ACP7: variants seen among roughly 807,000 people sequenced by gnomAD.
ACP7 encodes the protein acid phosphatase 7, tartrate resistant (putative).
ACP7 carries 58 observed loss-of-function variants against 60.6 expected under a neutral mutation model. The observed-to-expected ratio is 0.96, with a 90% CI of 0.77 to 1.19. ACP7 has a LOEUF of 1.19. Among genes scored for constraint, ACP7 ranks in the 50% most tolerant of loss-of-function variants. The pLI is 0.00. For synonymous variants in ACP7, 237 were observed against 232.6 expected, an observed-to-expected ratio of 1.02 and a Z score of -0.17; for missense variants, 574 against 596.2, an observed-to-expected ratio of 0.96 and a Z score of 0.39.
chr19:39,103,441 G>GTGTTTTTTTTTT lies in ACP7; in HGVS notation c.1113+1905_1113+1906insGTTTTTTTTTTT, dbSNP rs1230916229. Among the ~76,000 whole-genome samples, 37 of 64,728 alleles carry GTGTTTTTTTTTT rather than the reference G, an allele frequency of 5.7e-4. 1 individual carries two copies. The highest frequency in any genetic ancestry group is 8.1e-4 in the Non-Finnish European group (30 of 37,234). 42.5% of individuals were successfully genotyped at this position (64,728 alleles called of 152,430 possible). On this transcript the variant is annotated intron_variant, in intron 11 of 12. Coordinates refer to ENST00000331256, the MANE Select transcript of ACP7 (RefSeq NM_001004318.3). Reference sequence around the variant, plus strand: ...TCAAAACATTCCAGGATCATCATGTGTTTTTTTTTTTTTTTTTTTTTTTTT... The same window carrying GTGTTTTTTTTTT: ...TCAAAACATTCCAGGATCATCATGTGTGTTTTTTTTTTTTTTTTTTTTTTTTTTTTTTTTTTT...
At chr19:39,085,676 C>T (rs531165655) in intron 2 of ACP7, among the ~76,000 whole-genome samples, 6 of 152,300 alleles carry the variant, frequency 3.9e-5, no homozygotes, top group South Asian at 2.1e-4. Flanking sequence ...GGACCTGGCA[C>T]GTTTGTTCGT....
chr19:39,107,434 A>ATG (rs2073422909), intron 12 of ACP7, among the ~76,000 whole-genome samples: 1 of 151,802 alleles, frequency 6.6e-6, no homozygotes, highest in African/African-American at 2.4e-5. Flanking sequence ...TACAAAAAAA[A>ATG]TTAGCCAGGC....
chr19:39,108,955 G>T (rs1049551916), intron 12 of ACP7, among the ~76,000 whole-genome samples: 3 of 151,984 alleles, frequency 2.0e-5, no homozygotes, highest in Non-Finnish European at 4.4e-5. Context: ...CGAGTAGCTG[G>T]GATTACAGGC....
At position 39,085,206 on chromosome 19, in the gene ACP7, T is replaced by C; in HGVS notation, c.-64T>C. The C allele has an allele frequency of 6.5e-7, 1 of 1,548,582 alleles. No individual in the cohort carries two copies. Among genetic ancestry groups the C allele is most frequent in the East Asian group, 2.3e-5 (1 of 42,786 alleles). On this transcript the variant is annotated 5_prime_UTR_variant, in exon 2 of 13. Transcript: ENST00000331256. ...TCCTCCCAGCCCTTCCTGCTGTACC[T>C]GTGGGGAGCTGATCTCCTCAGTCCC...
intron 12 of ACP7, among the ~76,000 whole-genome samples, chr19:39,107,993 G>A (rs1009569897): frequency 3.3e-4 from 50 of 152,168 alleles, no homozygotes; most frequent in African/African-American, 1.2e-3. Context: ...AGAGTTTGCA[G>A]TGAGCTATGA....
chr19:39,103,441 G>GTGTTTTTTTTTTTTTTTT (rs1230916229), intron 11 of ACP7, among the ~76,000 whole-genome samples: 2 of 64,716 alleles, frequency 3.1e-5, no homozygotes, highest in Non-Finnish European at 5.4e-5. Context: ...ATCATCATGT[G>GTGTTTTTTTTTTTTTTTT]TTTTTTTTTT....
At chr19:39,109,840 T>A (rs906131169) in intron 12 of ACP7, among the ~76,000 whole-genome samples, 1 of 152,142 alleles carries the variant, frequency 6.6e-6, no homozygotes, top group Non-Finnish European at 1.5e-5. Context: ...ACAAATACTA[T>A]CTCATTTAAC....
intron 11 of ACP7, among the ~76,000 whole-genome samples, chr19:39,102,120 T>TCA (rs561424510): frequency 0.1 from 14,706 of 145,190 alleles, 798 homozygotes; most frequent in African/African-American, 0.13. Context: ...ACCCTTTCTC[T>TCA]CACACACACA....
At chr19:39,101,083 G>A (rs774804545) in intron 8 of ACP7, 27 bp downstream of exon 8, 20 of 1,613,736 alleles carry the variant, frequency 1.2e-5, no homozygotes, top group Non-Finnish European at 1.7e-5. Flanking sequence ...GGAGACAGTG[G>A]GGACATGCTG....
intron 3 of ACP7, 151 bp downstream of exon 3, chr19:39,098,809 G>C: frequency 7.4e-7 from 1 of 1,356,724 alleles, no homozygotes; most frequent in Non-Finnish European, 9.9e-7. Flanking sequence ...GGATGAAAAC[G>C]GAAGGTGCCG....
intron 12 of ACP7, among the ~76,000 whole-genome samples, chr19:39,109,345 G>T (rs2073443867): frequency 6.6e-6 from 1 of 152,068 alleles, no homozygotes. Flanking sequence ...ATGACTCTGG[G>T]CATCTATTAC....
In ACP7 at chr19:39,099,024, G is replaced by A; in HGVS notation, c.387G>A (p.Gly129=). 1.2e-6 allele frequency: 2 copies of A among 1,613,688 alleles called. No individual in the cohort carries two copies. Among genetic ancestry groups the A allele is most frequent in the Non-Finnish European group, 1.7e-6 (2 of 1,179,906 alleles). Residue 129 remains glycine, a synonymous_variant, in exon 4 of 13, where the codon GGG becomes GGA. Transcript: ENST00000331256. Reference sequence around the variant, plus strand: ...TCCGCTTCAGGGCCCTCAAGAATGGGGCCCACTGGAGTCCCCGTCTGGCTG... The same window carrying A: ...TCCGCTTCAGGGCCCTCAAGAATGGAGCCCACTGGAGTCCCCGTCTGGCTG... ...RRFRFRALKN[G]AHWSPRLAVF... is the part of the protein sequence containing the mutation.
intron 11 of ACP7, 45 bp from the exon 12 acceptor site, chr19:39,106,902 G>C: frequency 6.2e-7 from 1 of 1,606,528 alleles, no homozygotes; most frequent in Non-Finnish European, 8.5e-7. Flanking sequence ...GCTTCCCCGC[G>C]GGTCCTCCAC....
chr19:39,087,057 G>A (rs558523880), intron 2 of ACP7, among the ~76,000 whole-genome samples: 2 of 152,236 alleles, frequency 1.3e-5, no homozygotes, highest in East Asian at 1.9e-4. Flanking sequence ...CAACCAGGCT[G>A]GAGTGCAGTG....
chr19:39,098,839 G>A (rs1568479764), intron 3 of ACP7, 121 bp from the exon 4 acceptor site: 1 of 1,431,216 alleles, frequency 7.0e-7, no homozygotes, highest in Non-Finnish European at 9.4e-7. Flanking sequence ...GACCGAAGGG[G>A]CATGGGCCAG....
At chr19:39,090,790 CTTTTTTT>C (rs35453957) in intron 2 of ACP7, among the ~76,000 whole-genome samples, 36 of 133,448 alleles carry the variant, frequency 2.7e-4, no homozygotes, top group South Asian at 9.7e-4. Context: ...CTTCCCACTT[CTTTTTTT>C]TTTTTTTTTT....
intron 2 of ACP7, among the ~76,000 whole-genome samples, chr19:39,095,871 G>A (rs1307434950): frequency 6.6e-6 from 1 of 152,220 alleles, no homozygotes; most frequent in Non-Finnish European, 1.5e-5. Flanking sequence ...AAGCTGCCAA[G>A]GCTTGGGGAT....
chr19:39,099,992 CAAAA>C (rs35619428), intron 4 of ACP7, among the ~76,000 whole-genome samples: 6 of 72,524 alleles, frequency 8.3e-5, no homozygotes, highest in African/African-American at 1.7e-4. Flanking sequence ...GACTCTGTCT[CAAAA>C]AAAAAAAAAA....
intron 2 of ACP7, among the ~76,000 whole-genome samples, chr19:39,090,885 T>G (rs1165176925): frequency 1.3e-5 from 2 of 151,368 alleles, no homozygotes; most frequent in Non-Finnish European, 2.9e-5. Context: ...TGTCCCTCCC[T>G]GCTCCCTTTA....
Sources: allele counts gnomAD v4.1 joint callset (sites outside exome capture counted in the v4.1 genomes callset), GRCh38; gene constraint gnomAD v4.1.1; transcripts MANE v1.5; gene names NCBI Gene and HGNC (gene_info 2026-07-23, HGNC 2026-07-21).